RBFOX1: variants seen among roughly 807,000 people sequenced by gnomAD.
RBFOX1 encodes RNA binding protein fox-1 homolog 1.
Under a neutral mutation model 57.7 loss-of-function variants are expected in RBFOX1, and 8 were observed. The ratio of observed to expected loss-of-function variants is 0.14; its 90% CI spans 0.08 to 0.25. RBFOX1 has a LOEUF of 0.25. RBFOX1 is among the 10% of genes least tolerant of loss of function. The probability of loss-of-function intolerance (pLI) is 1.00; values close to 1 mark genes in which losing one functional copy is unlikely to be tolerated. For synonymous variants in RBFOX1, 326 were observed against 222.4 expected, an observed-to-expected ratio of 1.47 and a Z score of -4.15; for missense variants, 611 against 548.5, an observed-to-expected ratio of 1.11 and a Z score of -1.14.
At chr16:7,385,069 A>C (rs575797278) in intron 4 of RBFOX1, among the ~76,000 whole-genome samples, 2 of 152,348 alleles carry the variant, frequency 1.3e-5, no homozygotes, top group Admixed American at 6.5e-5. Context: ...GGAATTTTTG[A>C]AAGATGAACA....
intron 2 of RBFOX1, among the ~76,000 whole-genome samples, chr16:6,552,029 A>G (rs1030160609): frequency 2.0e-5 from 3 of 152,212 alleles, no homozygotes; most frequent in Non-Finnish European, 2.9e-5. Context: ...CAGGAGAGGA[A>G]AGGATGAATT....
At chr16:6,950,507 C>G (rs1404168867) in intron 3 of RBFOX1, among the ~76,000 whole-genome samples, 1 of 152,148 alleles carries the variant, frequency 6.6e-6, no homozygotes. Context: ...TGGATTGAAG[C>G]TGAACAAATA....
intron 2 of RBFOX1, among the ~76,000 whole-genome samples, chr16:6,419,665 T>A (rs941773362): frequency 2.6e-5 from 4 of 152,180 alleles, no homozygotes; most frequent in Non-Finnish European, 5.9e-5. Flanking sequence ...CCTGTACATC[T>A]GGGATACCTA....
At chr16:5,519,751 A>G (rs1416565526) in intron 2 of RBFOX1, among the ~76,000 whole-genome samples, 1 of 152,172 alleles carries the variant, frequency 6.6e-6, no homozygotes, top group African/African-American at 2.4e-5. Flanking sequence ...TAAATACTCT[A>G]GACCTGTTAT....
At chr16:6,142,870 G>A (rs2096729486) in intron 1 of RBFOX1, among the ~76,000 whole-genome samples, 2 of 151,966 alleles carry the variant, frequency 1.3e-5, no homozygotes, top group African/African-American at 2.4e-5. Flanking sequence ...CATTCTTCGG[G>A]GCTTCCTCAA....
intron 10 of RBFOX1, among the ~76,000 whole-genome samples, chr16:7,608,515 G>T (rs114360617): frequency 3.9e-5 from 6 of 152,176 alleles, no homozygotes; most frequent in African/African-American, 7.2e-5. Context: ...TCACTCTTGT[G>T]GGGGAAGAGA....
At chr16:6,705,359 C>T (rs1461198592) in intron 3 of RBFOX1, 2 of 152,154 alleles carry the variant, frequency 1.3e-5, no homozygotes, top group Non-Finnish European at 2.9e-5. Context: ...GGGTTGGCAT[C>T]AGAATGAATC....
chr16:5,801,323 C>G (rs1160220695), intron 3 of RBFOX1, among the ~76,000 whole-genome samples: 1 of 148,124 alleles, frequency 6.8e-6, no homozygotes, highest in African/African-American at 2.5e-5. Context: ...CTATCTGCCT[C>G]TCTCTCCCTC....
chr16:7,162,847 C>G (rs2078653871), intron 4 of RBFOX1, among the ~76,000 whole-genome samples: 1 of 152,194 alleles, frequency 6.6e-6, no homozygotes, highest in South Asian at 2.1e-4. Context: ...GAATTATAGA[C>G]TTCAAAGCTG....
chr16:7,046,169 A>G (rs2047858432), intron 3 of RBFOX1, among the ~76,000 whole-genome samples: 1 of 151,896 alleles, frequency 6.6e-6, no homozygotes, highest in South Asian at 2.1e-4. Flanking sequence ...TTTAGTTTAT[A>G]TTTTACATGT....
At chr16:6,134,142 G>A (rs868680595) in intron 1 of RBFOX1, among the ~76,000 whole-genome samples, 1 of 151,892 alleles carries the variant, frequency 6.6e-6, no homozygotes, top group South Asian at 2.1e-4. Context: ...TCACCATGTT[G>A]GCCAGGCTGG....
At chr16:7,579,386 T>C (rs1260398313) in intron 5 of RBFOX1, among the ~76,000 whole-genome samples, 1 of 152,104 alleles carries the variant, frequency 6.6e-6, no homozygotes, top group East Asian at 1.9e-4. Flanking sequence ...ATTACCCCCT[T>C]CTTGATGAGG....
At chr16:6,335,754 G>A (rs1281025884) in intron 2 of RBFOX1, among the ~76,000 whole-genome samples, 1 of 145,498 alleles carries the variant, frequency 6.9e-6, no homozygotes, top group African/African-American at 2.6e-5. Flanking sequence ...GTCCAGCCTG[G>A]GGGATACAGC....
intron 4 of RBFOX1, among the ~76,000 whole-genome samples, chr16:7,187,262 C>A (rs571355362): frequency 6.6e-6 from 1 of 151,936 alleles, no homozygotes; most frequent in Non-Finnish European, 1.5e-5. Flanking sequence ...AGTAGCATAA[C>A]ACAGGATATA....
intron 5 of RBFOX1, among the ~76,000 whole-genome samples, chr16:7,537,513 T>A (rs946947123): frequency 1.3e-5 from 2 of 152,138 alleles, no homozygotes; most frequent in East Asian, 3.9e-4. Flanking sequence ...CCTACACTTA[T>A]AACCACAACT....
At chr16:6,614,058 C>A (rs2098109856) in intron 2 of RBFOX1, among the ~76,000 whole-genome samples, 3 of 152,202 alleles carry the variant, frequency 2.0e-5, no homozygotes, top group Admixed American at 2.0e-4. Context: ...CTTTCCCTTT[C>A]TACATTGTAA....
chr16:5,367,441 G>C (rs2065748281), intron 1 of RBFOX1, among the ~76,000 whole-genome samples: 1 of 152,198 alleles, frequency 6.6e-6, no homozygotes, highest in Non-Finnish European at 1.5e-5. Context: ...CAAGCTGCAG[G>C]TGACAGCCGA....
At chr16:6,887,091 AATC>A (rs1388799989) in intron 3 of RBFOX1, among the ~76,000 whole-genome samples, 1 of 152,154 alleles carries the variant, frequency 6.6e-6, no homozygotes, top group Admixed American at 6.5e-5. Context: ...GCAGCTTCAA[AATC>A]ATCATGTCCC....
intron 4 of RBFOX1, among the ~76,000 whole-genome samples, chr16:7,171,691 G>C (rs77517985): frequency 1.3e-5 from 2 of 152,128 alleles, no homozygotes; most frequent in African/African-American, 4.8e-5. Flanking sequence ...TTAGTTATAG[G>C]GTAAGCAATG....
Sources: gnomAD v4.1 joint callset for allele counts (sites outside exome capture counted in the v4.1 genomes callset) on GRCh38, gnomAD v4.1.1 for gene constraint, MANE v1.5 for transcripts, NCBI Gene and HGNC (gene_info 2026-07-23, HGNC 2026-07-21) for gene names.